Variants in METAP2 observed in about 807,000 individuals in gnomAD.
METAP2 encodes the protein methionine aminopeptidase 2.
A neutral mutation model predicts 59.4 loss-of-function variants in METAP2; 25 were observed. The ratio of observed to expected loss-of-function variants is 0.42; its 90% CI spans 0.31 to 0.59. The LOEUF (loss-of-function observed/expected upper bound fraction) is 0.59, where lower values mean the gene tolerates loss of function less well. METAP2 is among the 20% of genes least tolerant of loss of function. The probability of loss-of-function intolerance (pLI) is 0.16; values close to 1 mark genes in which losing one functional copy is unlikely to be tolerated. For synonymous variants in METAP2, 214 were observed against 194.1 expected, an observed-to-expected ratio of 1.10 and a Z score of -0.85; for missense variants, 366 against 581.2, an observed-to-expected ratio of 0.63 and a Z score of 3.81.
chr12:95,476,539 A>AGAGAGAGAGAGACAGAGAG (rs773224806), intron 2 of METAP2, among the ~76,000 whole-genome samples: 1 of 148,784 alleles, frequency 6.7e-6, no homozygotes, highest in African/African-American at 2.5e-5. Flanking sequence ...AGAAAGAAAG[A>AGAGAGAGAGAGACAGAGAG]AAAGCTAGAA....
At chr12:95,505,200 TG>T (rs1399683130) in intron 8 of METAP2, among the ~76,000 whole-genome samples, 5 of 152,338 alleles carry the variant, frequency 3.3e-5, no homozygotes, top group African/African-American at 1.2e-4. Flanking sequence ...CATTTCCTGT[TG>T]CCCATTATGT....
At chr12:95,491,654 G>T (rs917086697) in intron 4 of METAP2, among the ~76,000 whole-genome samples, 1 of 151,928 alleles carries the variant, frequency 6.6e-6, no homozygotes, top group African/African-American at 2.4e-5. Context: ...GGGACTACAG[G>T]TGTGCACTGT....
At chr12:95,494,857 G>A (rs916836494) in intron 5 of METAP2, 100 bp from the exon 6 acceptor site, 2 of 885,532 alleles carry the variant, frequency 2.3e-6, no homozygotes, top group East Asian at 5.3e-5. Context: ...AGGTATTTAA[G>A]GTTTTTAGTA....
At chr12:95,509,118 C>T (rs897069995) in intron 8 of METAP2, among the ~76,000 whole-genome samples, 2 of 152,186 alleles carry the variant, frequency 1.3e-5, no homozygotes, top group Non-Finnish European at 1.5e-5. Flanking sequence ...TTAGCCTGTG[C>T]TGTTACAACC....
At chr12:95,494,717 T>A (rs2076264475) in intron 5 of METAP2, among the ~76,000 whole-genome samples, 1 of 152,218 alleles carries the variant, frequency 6.6e-6, no homozygotes, top group South Asian at 2.1e-4. Context: ...TAAATTTAGT[T>A]AAAAGTGGAT....
At chr12:95,502,229 C>T (rs1391990277) in intron 7 of METAP2, among the ~76,000 whole-genome samples, 2 of 152,190 alleles carry the variant, frequency 1.3e-5, no homozygotes, top group South Asian at 2.1e-4. Context: ...TGGTCTTGAG[C>T]TCCTGGGTTC....
Position 95,504,048 on chromosome 12 carries a change from T to C in METAP2, c.868-17T>C. 6.3e-7 allele frequency: 1 copy of C among 1,593,570 alleles called. No homozygotes were observed. Among genetic ancestry groups the C allele is most frequent in the Non-Finnish European group, 8.6e-7 (1 of 1,168,774 alleles). Reference sequence around the variant, plus strand: ...TTTGCACTTTGAATAATAAAGCATATGTTACTCTTTTTTTAGTGTGCTGGA... The same window carrying C: ...TTTGCACTTTGAATAATAAAGCATACGTTACTCTTTTTTTAGTGTGCTGGA... On this transcript the variant is annotated splice_polypyrimidine_tract_variant and intron_variant, in intron 7 of 10. Transcript: ENST00000323666.
intron 2 of METAP2, among the ~76,000 whole-genome samples, chr12:95,477,612 C>T (rs989932413): frequency 2.6e-5 from 4 of 152,000 alleles, no homozygotes; most frequent in East Asian, 3.9e-4. Flanking sequence ...CCTCTTTTGG[C>T]GGAGGAAAAA....
In METAP2 at chr12:95,474,280, C is replaced by G. The variant is rs1383637325; in HGVS notation, c.101C>G (p.Ala34Gly). Residue 34 changes from alanine (A) to glycine (G), a missense_variant, in exon 1 of 11, where the codon GCA becomes GGA. Around this residue, in one of 4 missense-constraint regions of METAP2, gnomAD observed 177 missense variants for 180.3 expected, o/e 0.98. Transcript: ENST00000323666. ...EEGAASTAEE[A>G]AKKKRRKKKK... ...GGAGCTGCCTCTACGGCTGAGGAAG[C>G]AGCCAAGAAAAAAAGACGAAAGAAG... 6.2e-7 allele frequency: 1 copy of G among 1,614,106 alleles called. No individual in the cohort carries two copies. Among genetic ancestry groups the G allele is most frequent in the Admixed American group, 1.7e-5 (1 of 60,014 alleles).
intron 8 of METAP2, among the ~76,000 whole-genome samples, chr12:95,510,592 T>TCACACTGGGGATGA (rs2076395243): frequency 6.6e-6 from 1 of 152,152 alleles, no homozygotes; most frequent in Non-Finnish European, 1.5e-5. Flanking sequence ...CCCAACACCA[T>TCACACTGGGGATGA]CACACTGGGG....
At chr12:95,501,070 G>A (rs188260681) in intron 7 of METAP2, among the ~76,000 whole-genome samples, 1 of 143,748 alleles carries the variant, frequency 7.0e-6, no homozygotes, top group East Asian at 2.0e-4. Context: ...GGAGTACAGT[G>A]GTATGAACAC....
chr12:95,478,668 G>A (rs545866223), intron 2 of METAP2, among the ~76,000 whole-genome samples: 27 of 152,056 alleles, frequency 1.8e-4, no homozygotes, highest in African/African-American at 6.5e-4. Context: ...CTAAGGATGT[G>A]GTAGACAGAC....
Position 95,512,825 on chromosome 12 carries a change from A to C in METAP2, c.1093A>C (p.Thr365Pro). 1.2e-6 allele frequency: 2 copies of C among 1,610,044 alleles called. No homozygotes were observed. Among genetic ancestry groups the C allele is most frequent in the Non-Finnish European group, 1.7e-6 (2 of 1,177,014 alleles). The change falls in exon 10 of 11, where the codon ACC (threonine) becomes CCC (proline). Residue 365 changes from threonine to proline, a missense_variant. Thr to Pro is a conservative substitution (Grantham distance 38, BLOSUM62 -1). Transcript: ENST00000323666. ...GGAAGGAGAAGTATATGCAATTGAAACCTTTGGTAGTACAGGAAAAGGTGT... is the reference window on the plus strand; with the variant it reads ...GGAAGGAGAAGTATATGCAATTGAACCCTTTGGTAGTACAGGAAAAGGTGT... The part of the protein sequence containing the change: ...MEEGEVYAIE[T>P]FGSTGKGVVH...
Position 95,511,971 on chromosome 12 carries a change from G to A in METAP2, c.1041G>A (p.Val347=), listed in dbSNP as rs1025454491. 6.2e-6 allele frequency: 10 copies of A among 1,613,070 alleles called. No homozygotes were observed. The highest frequency in any genetic ancestry group is 7.6e-6 in the Non-Finnish European group (9 of 1,179,268). The change falls in exon 9 of 11, where the codon GTG becomes GTA. Residue 347 remains valine (V), a synonymous_variant. Transcript: ENST00000323666. The part of the protein sequence containing the change: ...RIHAGKTVPI[V]KGGEATRMEE... ...ATGCTGGAAAAACAGTGCCGATTGT[G>A]AAAGGAGGGGAGGCAACAAGAATGG...
rs2076265684 is a variant in METAP2 at position 95,494,871 on chromosome 12, T to C, written c.591-86T>C. ...AAGGTATTTAAGGTTTTTAGTAAAC[T>C]TTCTGGACTTGATGAACTATATGGT... is the stretch of plus-strand genomic sequence containing the variant. On this transcript the variant is annotated intron_variant, in intron 5 of 10. Transcript: ENST00000323666. 4.1e-5 allele frequency: 45 copies of C among 1,108,618 alleles called. No individual in the cohort carries two copies. In the South Asian group the frequency reaches 8.5e-4, roughly 21 times the overall value. 68.7% of individuals were successfully genotyped at this position (1,108,618 alleles called of 1,614,324 possible). A position where few individuals can be genotyped will look rare whatever the true frequency, so the allele number is the denominator to read the frequency against.
At position 95,507,061 on chromosome 12, in the gene METAP2, C is replaced by T. The variant is rs183798606; in HGVS notation, c.964+2900C>T. 2.0e-3 allele frequency among the ~76,000 whole-genome samples: 309 copies of T among 152,158 alleles called. 1 individual carries two copies. The highest frequency in any genetic ancestry group is 6.8e-3 in the African/African-American group (283 of 41,500). On this transcript the variant is annotated intron_variant, in intron 8 of 10. Coordinates refer to ENST00000323666, the MANE Select transcript of METAP2 (RefSeq NM_006838.4). ...GGGATTACAGGCGTGAGCCACTGTA[C>T]CCGGCCCAGAATACTCTTGATGTTA...
At chr12:95,512,036 A>AT in intron 9 of METAP2, 38 bp downstream of exon 9, 1 of 1,462,582 alleles carries the variant, frequency 6.8e-7, no homozygotes, top group African/African-American at 1.4e-5. Flanking sequence ...CATGGAAGAC[A>AT]TTTTTTTCTT....
chr12:95,496,288 T>G (rs762061580), intron 7 of METAP2, among the ~76,000 whole-genome samples, 190 bp downstream of exon 7: 3 of 152,036 alleles, frequency 2.0e-5, no homozygotes, highest in African/African-American at 4.8e-5. Flanking sequence ...AAGGTTGTTT[T>G]TTTGTTTGTT....
intron 5 of METAP2, among the ~76,000 whole-genome samples, chr12:95,494,611 C>T (rs2076263548): frequency 6.6e-6 from 1 of 152,132 alleles, no homozygotes; most frequent in South Asian, 2.1e-4. Context: ...GTTAGTATAA[C>T]ATGTAATTCT....
Sources: gnomAD v4.1 joint callset for allele counts (sites outside exome capture counted in the v4.1 genomes callset) on GRCh38, gnomAD v4.1.1 for gene constraint, gnomAD v4.1.1 regional missense constraint, MANE v1.5 for transcripts, NCBI Gene and HGNC (gene_info 2026-07-23, HGNC 2026-07-21) for gene names.